Variants in PRUNE2 observed in about 807,000 individuals in gnomAD.
PRUNE2 encodes protein prune homolog 2.
Under a neutral mutation model 252.0 loss-of-function variants are expected in PRUNE2, and 164 were observed. The ratio of observed to expected loss-of-function variants is 0.65; its 90% CI spans 0.57 to 0.74. The LOEUF is 0.74. Ranked by LOEUF, PRUNE2 falls within the 30% of genes least tolerant of loss-of-function variation. The probability of loss-of-function intolerance (pLI) is 0.00; values close to 1 mark genes in which losing one functional copy is unlikely to be tolerated. For missense variants in PRUNE2, 3,495 were observed against 3,711.0 expected, an observed-to-expected ratio of 0.94 and a Z score of 1.51; for synonymous variants, 1,292 against 1,350.2, an observed-to-expected ratio of 0.96 and a Z score of 0.94.
intron 6 of PRUNE2, among the ~76,000 whole-genome samples, chr9:76,761,063 G>A (rs2051672535): frequency 7.1e-6 from 1 of 139,942 alleles, no homozygotes; most frequent in Non-Finnish European, 1.5e-5. Flanking sequence ...TCCGGCCTGG[G>A]TGACAGACTG....
chr9:76,789,081 A>G (rs115508225), intron 6 of PRUNE2, among the ~76,000 whole-genome samples: 78 of 152,294 alleles, frequency 5.1e-4, no homozygotes, highest in African/African-American at 1.9e-3. Context: ...TCAGATGGAC[A>G]ATAGATATGT....
chr9:76,719,790 G>A (rs972596787), intron 6 of PRUNE2, among the ~76,000 whole-genome samples: 2 of 151,920 alleles, frequency 1.3e-5, no homozygotes, highest in Non-Finnish European at 2.9e-5. Flanking sequence ...GGGAATACAG[G>A]CGTGCACCAC....
At chr9:76,826,447 TG>T (rs953296488) in intron 5 of PRUNE2, 132 bp downstream of exon 5, 7 of 652,138 alleles carry the variant, frequency 1.1e-5, no homozygotes, top group African/African-American at 3.7e-5. Flanking sequence ...CACTCCAGCC[TG>T]GGGGATAGAG....
chr9:76,667,856 C>G (rs1226429359), intron 9 of PRUNE2, among the ~76,000 whole-genome samples: 1 of 152,186 alleles, frequency 6.6e-6, no homozygotes, highest in Non-Finnish European at 1.5e-5. Flanking sequence ...TGTCCTAGCA[C>G]AAACGTAGCT....
At chr9:76,774,465 T>TATTTATTTATTTATTTATTTA (rs761395945) in intron 6 of PRUNE2, among the ~76,000 whole-genome samples, 2,520 of 136,868 alleles carry the variant, frequency 0.018, 150 homozygotes, top group African/African-American at 0.06. Context: ...TTTTTTTTTT[T>TATTTATTTATTTATTTATTTA]TTTTTTTTTT....
intron 2 of PRUNE2, 88 bp downstream of exon 2, chr9:76,854,016 A>G (rs2060106070): frequency 1.6e-6 from 1 of 611,408 alleles, no homozygotes; most frequent in Non-Finnish European, 2.8e-6. Flanking sequence ...AATTAAGTTA[A>G]TAGGTTCCTT....
chr9:76,636,973 ATGTGTGTGTGTGTGTGTG>A (rs71354667), intron 14 of PRUNE2, among the ~76,000 whole-genome samples: 4 of 145,406 alleles, frequency 2.8e-5, no homozygotes, highest in Admixed American at 1.4e-4. Context: ...AACAACAAAA[ATGTGTGTGTGTGTGTGTG>A]TGTGTGTGTG....
intron 6 of PRUNE2, among the ~76,000 whole-genome samples, chr9:76,771,142 C>T (rs2053056214): frequency 6.6e-6 from 1 of 152,034 alleles, no homozygotes; most frequent in Non-Finnish European, 1.5e-5. Flanking sequence ...AAATTATGAT[C>T]ATAGAAACTA....
chr9:76,889,200 A>C (rs2133449834), intron 1 of PRUNE2, among the ~76,000 whole-genome samples: 1 of 152,260 alleles, frequency 6.6e-6, no homozygotes, highest in Middle Eastern at 3.4e-3. Flanking sequence ...CTGTGAAGTC[A>C]CAAGGCCCTG....
intron 6 of PRUNE2, among the ~76,000 whole-genome samples, chr9:76,799,141 GA>G (rs2056353521): frequency 1.3e-5 from 2 of 152,276 alleles, no homozygotes; most frequent in South Asian, 4.1e-4. Flanking sequence ...AGGAGTTTGA[GA>G]CCAGCCTGGC....
At chr9:76,866,143 C>T (rs924090130) in intron 1 of PRUNE2, among the ~76,000 whole-genome samples, 3 of 152,198 alleles carry the variant, frequency 2.0e-5, no homozygotes. Context: ...GCACATCCAG[C>T]AGGCCCAATC....
chr9:76,630,262 G>GT (rs11303005), intron 15 of PRUNE2, among the ~76,000 whole-genome samples: 146 of 134,482 alleles, frequency 1.1e-3, no homozygotes, highest in Middle Eastern at 3.8e-3. Flanking sequence ...AAAAATTTTT[G>GT]TTTTTTTTTT....
At chr9:76,862,018 AC>A in intron 1 of PRUNE2, 1 of 152,056 alleles carries the variant, frequency 6.6e-6, no homozygotes, top group East Asian at 1.9e-4. Flanking sequence ...TGCTTTTATT[AC>A]CCACTGGTTC....
Position 76,710,747 on chromosome 9 carries a change from A to G in PRUNE2, c.1527T>C (p.Ser509=), listed in dbSNP as rs774819762. The G allele has an allele frequency of 6.2e-6, 10 of 1,611,846 alleles. No homozygotes were observed. Among genetic ancestry groups the G allele is most frequent in the Non-Finnish European group, 8.5e-6 (10 of 1,178,990 alleles). The stretch of plus-strand genomic sequence containing the variant: ...CTGGGGAGTAGTCTGCAGAATGAGA[A>G]GATTGCTGGGACTGCCCAGAAGCCA... ...APMASGQSQQ[S]SHSADYSPAD... The change falls in exon 8 of 19, where the codon TCT becomes TCC. Residue 509 remains serine (S), a synonymous_variant. Coordinates refer to ENST00000376718, the MANE Select transcript of PRUNE2 (RefSeq NM_015225.3).
chr9:76,638,522 C>CA (rs1273755847), intron 12 of PRUNE2, among the ~76,000 whole-genome samples: 1 of 152,058 alleles, frequency 6.6e-6, no homozygotes, highest in Non-Finnish European at 1.5e-5. Context: ...ATTATATTTG[C>CA]ATATGTAGGC....
Position 76,710,228 on chromosome 9 carries a change from G to A in PRUNE2, c.2046C>T (p.Ser682=), listed in dbSNP as rs2134990429. 6.2e-7 allele frequency: 1 copy of A among 1,613,910 alleles called. No individual in the cohort carries two copies. Among genetic ancestry groups the A allele is most frequent in the East Asian group, 2.2e-5 (1 of 44,868 alleles). ...GCTTATGCTCTTTCCATGATTCAGG[G>A]CTCTGGAAAACAGATTCCTGTTCAC... ...SSSEQESVFQ[S]PESWKEHKPS... The change falls in exon 8 of 19, where the codon AGC becomes AGT. Residue 682 remains serine, a synonymous_variant. Coordinates refer to ENST00000376718, the MANE Select transcript of PRUNE2 (RefSeq NM_015225.3).
intron 9 of PRUNE2, among the ~76,000 whole-genome samples, chr9:76,666,557 C>A (rs1319684237): frequency 2.6e-5 from 4 of 152,188 alleles, no homozygotes; most frequent in Admixed American, 2.6e-4. Context: ...GCCTTGGCTG[C>A]CAGGCAGGGA....
chr9:76,691,632 A>T (rs1385077728), intron 9 of PRUNE2, among the ~76,000 whole-genome samples: 2 of 152,332 alleles, frequency 1.3e-5, no homozygotes, highest in East Asian at 1.9e-4. Context: ...AATAACATTT[A>T]AAAAATGCCT....
intron 11 of PRUNE2, chr9:76,645,151 A>C: frequency 2.4e-6 from 1 of 416,992 alleles, no homozygotes; most frequent in African/African-American, 2.0e-5. Flanking sequence ...AACCACATCC[A>C]TTGCTAAGGC....
Sources: gnomAD v4.1 joint callset for allele counts (sites outside exome capture counted in the v4.1 genomes callset) on GRCh38, gnomAD v4.1.1 for gene constraint, MANE v1.5 for transcripts, NCBI Gene and HGNC (gene_info 2026-07-23, HGNC 2026-07-21) for gene names.